CFAP92: variants seen among roughly 807,000 people sequenced by gnomAD.
The protein encoded by CFAP92 is cilia and flagella associated protein 92 (putative).
Under a neutral mutation model 106.3 loss-of-function variants are expected in CFAP92, and 86 were observed. The observed-to-expected ratio is 0.81, with a 90% CI of 0.68 to 0.97. The LOEUF (loss-of-function observed/expected upper bound fraction) is 0.97, where lower values mean the gene tolerates loss of function less well. Ranked by LOEUF, CFAP92 falls within the 50% of genes least tolerant of loss-of-function variation. CFAP92 has a pLI of 0.00. For missense variants in CFAP92, 1,204 were observed against 1,283.8 expected, an observed-to-expected ratio of 0.94 and a Z score of 0.95; for synonymous variants, 477 against 506.4, an observed-to-expected ratio of 0.94 and a Z score of 0.78.
chr3:129,004,119 G>C (rs763562571), upstream of CFAP92: 15 of 1,440,414 alleles, frequency 1.0e-5, no homozygotes, highest in Middle Eastern at 4.9e-4. Context: ...TCCCCAATTC[G>C]GCTCCCATTT....
the CFAP92 span, among the ~76,000 whole-genome samples, chr3:129,024,872 G>A: frequency 1.3e-5 from 2 of 152,198 alleles, no homozygotes; most frequent in African/African-American, 4.8e-5. Flanking sequence ...GGAGAGGTGA[G>A]TTCTGAGAAA....
chr3:128,995,468 C>A (rs1177743820), upstream of CFAP92, among the ~76,000 whole-genome samples: 1 of 152,194 alleles, frequency 6.6e-6, no homozygotes, highest in Admixed American at 6.5e-5. Flanking sequence ...CCAGGAAGTG[C>A]TCAGGAGACA....
At chr3:128,981,770 TG>T (rs1943551737) in intron 4 of CFAP92, among the ~76,000 whole-genome samples, 1 of 152,234 alleles carries the variant, frequency 6.6e-6, no homozygotes, top group African/African-American at 2.4e-5. Flanking sequence ...GGCTGTAGCA[TG>T]GATGTTGAAA....
intron 9 of CFAP92, 116 bp from the exon 10 acceptor site, chr3:128,946,091 T>C: frequency 1.5e-6 from 1 of 655,300 alleles, no homozygotes; most frequent in Non-Finnish European, 2.4e-6. Context: ...TAGCCCAAGT[T>C]TTCTCATCCA....
At chr3:128,921,898 C>T (rs916510489) in intron 12 of CFAP92, among the ~76,000 whole-genome samples, 4 of 152,178 alleles carry the variant, frequency 2.6e-5, no homozygotes, top group Non-Finnish European at 5.9e-5. Context: ...TTCCCATCTC[C>T]TTCCTGGGGA....
chr3:128,924,753 A>G (rs1353483291), intron 12 of CFAP92, among the ~76,000 whole-genome samples: 7 of 152,090 alleles, frequency 4.6e-5, no homozygotes, highest in Non-Finnish European at 1.5e-5. Context: ...GACCGATTGT[A>G]TCTTAAACTA....
intron 9 of CFAP92, among the ~76,000 whole-genome samples, chr3:128,964,303 A>G (rs571801220): frequency 6.6e-6 from 1 of 152,368 alleles, no homozygotes; most frequent in Admixed American, 6.5e-5. Context: ...GGTACAGCCC[A>G]TTTAAGCTCC....
At chr3:128,950,112 G>C (rs1940635303) in intron 9 of CFAP92, among the ~76,000 whole-genome samples, 1 of 152,208 alleles carries the variant, frequency 6.6e-6, no homozygotes, top group Non-Finnish European at 1.5e-5. Context: ...ATAGTTGAGG[G>C]CATCTGTGCC....
intron 10 of CFAP92, among the ~76,000 whole-genome samples, chr3:128,938,147 G>T (rs1939240073): frequency 6.6e-6 from 1 of 151,926 alleles, no homozygotes; most frequent in Non-Finnish European, 1.5e-5. Flanking sequence ...TGGGAGGATT[G>T]CTTGAGGTGG....
At chr3:128,944,600 T>C (rs963552804) in intron 10 of CFAP92, among the ~76,000 whole-genome samples, 3 of 152,188 alleles carry the variant, frequency 2.0e-5, no homozygotes, top group Non-Finnish European at 1.5e-5. Context: ...ATGGAGGAAC[T>C]GCAAAGGGCT....
intron 12 of CFAP92, among the ~76,000 whole-genome samples, chr3:128,929,538 G>A (rs887144735): frequency 1.3e-5 from 2 of 152,162 alleles, no homozygotes; most frequent in African/African-American, 2.4e-5. Context: ...CCAAAAAGTG[G>A]TGAATGGATA....
chr3:128,933,113 C>G (rs973500164), intron 11 of CFAP92, 116 bp from the exon 12 acceptor site: 1 of 968,588 alleles, frequency 1.0e-6, no homozygotes, highest in South Asian at 1.6e-5. Context: ...GGTCCCAAGT[C>G]CTGGAGCTTG....
At chr3:128,991,737 G>A (rs1192513270) in intron 2 of CFAP92, 5 of 1,016,866 alleles carry the variant, frequency 4.9e-6, no homozygotes, top group East Asian at 1.0e-4. Flanking sequence ...ACACCGCCTC[G>A]TGTTGTCTGT....
At chr3:128,952,290 T>A (rs939233440) in intron 9 of CFAP92, among the ~76,000 whole-genome samples, 16 of 112,840 alleles carry the variant, frequency 1.4e-4, no homozygotes, top group African/African-American at 7.6e-4. Context: ...CCACCACATC[T>A]AGCTAATTAA....
rs779185229 is a variant in CFAP92 at position 128,978,198 on chromosome 3, A to C, written c.668-13T>G. Reference sequence around the variant, plus strand: ...AAATGTCTCACTTCTAGAATGCAGGAGAAGAAAGGATCATTGACTCAATCA... The same window carrying C: ...AAATGTCTCACTTCTAGAATGCAGGCGAAGAAAGGATCATTGACTCAATCA... On this transcript the variant is annotated splice_polypyrimidine_tract_variant and intron_variant, in intron 4 of 15. Coordinates refer to ENST00000645291, the MANE Select transcript of CFAP92 (RefSeq NM_001394090.1). 6.2e-7 allele frequency: 1 copy of C among 1,609,614 alleles called. No homozygotes were observed. Among genetic ancestry groups the C allele is most frequent in the Non-Finnish European group, 8.5e-7 (1 of 1,177,248 alleles).
chr3:129,003,198 C>T (rs948395082), upstream of CFAP92: 4 of 984,548 alleles, frequency 4.1e-6, no homozygotes, highest in African/African-American at 3.5e-5. Context: ...AGGGTGGAGG[C>T]GGGAAACTAC....
intron 5 of CFAP92, 127 bp from the exon 6 acceptor site, chr3:128,977,193 G>C: frequency 1.4e-6 from 1 of 698,174 alleles, no homozygotes; most frequent in Non-Finnish European, 2.6e-6. Flanking sequence ...TAAGGCCTGG[G>C]ATATTGTTAA....
At chr3:129,000,574 T>G (rs923670907) in intron 1 of CFAP92, among the ~76,000 whole-genome samples, 2 of 152,058 alleles carry the variant, frequency 1.3e-5, no homozygotes, top group Non-Finnish European at 2.9e-5. Flanking sequence ...GTGGACAATA[T>G]CACAATATCA....
chr3:128,999,573 C>G (rs1443468705), intron 1 of CFAP92, among the ~76,000 whole-genome samples: 2 of 125,944 alleles, frequency 1.6e-5, no homozygotes, highest in African/African-American at 6.1e-5. Flanking sequence ...GAGTCTCGCT[C>G]TGTCGCCCAG....
Sources: allele counts gnomAD v4.1 joint callset (sites outside exome capture counted in the v4.1 genomes callset), GRCh38; gene constraint gnomAD v4.1.1; transcripts MANE v1.5; gene names NCBI Gene and HGNC (gene_info 2026-07-23, HGNC 2026-07-21).